SSBP2: variants seen among roughly 807,000 people sequenced by gnomAD.
The protein encoded by SSBP2 is single stranded DNA binding protein 2, also known as single-stranded DNA-binding protein 2.
A neutral mutation model predicts 61.8 loss-of-function variants in SSBP2; 17 were observed. The observed-to-expected ratio is 0.28, with a 90% CI of 0.19 to 0.41. SSBP2 has a LOEUF of 0.41. Among genes scored for constraint, SSBP2 ranks in the 10% least tolerant of loss-of-function variants. The probability of loss-of-function intolerance (pLI) is 1.00; values close to 1 mark genes in which losing one functional copy is unlikely to be tolerated. For synonymous variants in SSBP2, 139 were observed against 141.3 expected (o/e 0.98, Z 0.12); for missense variants, 310 against 458.7 (o/e 0.68, Z 2.96).
chr5:81,736,195 G>A (rs796467649), intron 1 of SSBP2, among the ~76,000 whole-genome samples: 6 of 130,280 alleles, frequency 4.6e-5, no homozygotes, highest in African/African-American at 1.6e-4. Flanking sequence ...CACACTCTAC[G>A]GCACTACTGA....
Position 81,416,830 on chromosome 5 carries a change from T to C in SSBP2, c.*3674A>G, listed in dbSNP as rs1464226607. ...ACTTTTCATGGCTGGGGGAGCAGAA[T>C]TGATTTACTTGTTAATCTTTTTGGC... is the stretch of plus-strand genomic sequence containing the variant. On this transcript the variant is annotated 3_prime_UTR_variant, in exon 17 of 17. Coordinates refer to ENST00000320672, the MANE Select transcript of SSBP2 (RefSeq NM_012446.5). 1 of 152,166 alleles carries C rather than the reference T, an allele frequency of 6.6e-6. No homozygotes were observed. Among genetic ancestry groups the C allele is most frequent in the Non-Finnish European group, 1.5e-5 (1 of 68,032 alleles). 9.4% of individuals were successfully genotyped at this position (152,166 alleles called of 1,614,324 possible).
At chr5:81,750,531 G>A (rs1581479375) in intron 1 of SSBP2, among the ~76,000 whole-genome samples, 1 of 100,884 alleles carries the variant, frequency 9.9e-6, no homozygotes, top group Non-Finnish European at 2.1e-5. Context: ...CCCCGACCCC[G>A]GCCCCGACCC....
intron 5 of SSBP2, among the ~76,000 whole-genome samples, chr5:81,494,952 A>C (rs1276471712): frequency 6.6e-6 from 1 of 152,180 alleles, no homozygotes; most frequent in African/African-American, 2.4e-5. Context: ...TGTTTTAAAT[A>C]ATTATTTTTC....
chr5:81,524,604 G>A (rs1044122127), intron 4 of SSBP2, among the ~76,000 whole-genome samples: 5 of 151,928 alleles, frequency 3.3e-5, no homozygotes, highest in Non-Finnish European at 5.9e-5. Flanking sequence ...ACTGTACTTG[G>A]CCTATTGCAG....
chr5:81,724,497 C>A (rs16899103), intron 1 of SSBP2, among the ~76,000 whole-genome samples: 12,846 of 151,948 alleles, frequency 0.085, 605 homozygotes, highest in Middle Eastern at 0.19. Flanking sequence ...CACAAATAGA[C>A]AACTGATCAA....
intron 4 of SSBP2, among the ~76,000 whole-genome samples, chr5:81,542,756 T>C (rs995896299): frequency 6.6e-6 from 1 of 151,680 alleles, no homozygotes; most frequent in East Asian, 2.0e-4. Flanking sequence ...GCTTCCCCTA[T>C]GCTGTTCTTA....
rs141048100 is a variant in SSBP2 at position 81,487,450 on chromosome 5, T to G, written c.432+1800A>C. ...TGGTAAATATTTATTAACAGATCTA[T>G]CTCTTCTAGAAGCAGCTAATTATTT... On this transcript the variant is annotated intron_variant, in intron 6 of 16. Transcript: ENST00000320672. 2.4e-3 allele frequency among the ~76,000 whole-genome samples: 363 copies of G among 152,256 alleles called. 2 individuals are homozygous for G. The highest frequency in any genetic ancestry group is 8.3e-3 in the African/African-American group (346 of 41,560).
intron 11 of SSBP2, 81 bp downstream of exon 11, chr5:81,448,709 T>C (rs145632266): frequency 2.9e-5 from 42 of 1,435,108 alleles, no homozygotes; most frequent in Non-Finnish European, 3.6e-5. Flanking sequence ...GGGGCTCTTC[T>C]TAACATCTGG....
rs138234127 is a variant in SSBP2 at position 81,658,474 on chromosome 5, T to C, written c.63-8135A>G. Among the ~76,000 whole-genome samples the C allele has an allele frequency of 2.4e-4, 36 of 152,328 alleles. No homozygotes were observed. In the Middle Eastern group the frequency reaches 0.01, roughly 43 times the overall value. On this transcript the variant is annotated intron_variant, in intron 1 of 16. Transcript: ENST00000320672. ...TCTACACATAACCTGCACACATTCT[T>C]CTGTACATGTTAAATCATCTCTAGA...
intron 1 of SSBP2, among the ~76,000 whole-genome samples, chr5:81,698,345 T>C (rs1266328691): frequency 1.3e-5 from 2 of 152,256 alleles, no homozygotes; most frequent in Admixed American, 1.3e-4. Context: ...TCTACCTATT[T>C]TCATATTTTT....
At chr5:81,542,338 G>A (rs189509833) in intron 4 of SSBP2, among the ~76,000 whole-genome samples, 59 of 152,262 alleles carry the variant, frequency 3.9e-4, no homozygotes, top group Non-Finnish European at 4.6e-4. Context: ...TTCAGCCACC[G>A]TGGAAAGCAG....
At chr5:81,694,369 G>A (rs1166940911) in intron 1 of SSBP2, among the ~76,000 whole-genome samples, 14 of 152,026 alleles carry the variant, frequency 9.2e-5, no homozygotes, top group African/African-American at 7.2e-5. Flanking sequence ...TTGAGGTAAC[G>A]GATACCCCCA....
At position 81,417,882 on chromosome 5, in the gene SSBP2, G is replaced by T. The variant is rs1407442863; in HGVS notation, c.*2622C>A. The T allele has an allele frequency of 6.6e-6, 1 of 151,400 alleles. No homozygotes were observed. The highest frequency in any genetic ancestry group is 2.4e-5 in the African/African-American group (1 of 41,176). 9.4% of individuals were successfully genotyped at this position (151,400 alleles called of 1,614,324 possible). A position where few individuals can be genotyped will look rare whatever the true frequency, so the allele number is the denominator to read the frequency against. ...AATAAATACTTATAATCAATTGACTGCTCTGCCTTGAAAAAAAAAACGAAT... is the reference window on the plus strand; with the variant it reads ...AATAAATACTTATAATCAATTGACTTCTCTGCCTTGAAAAAAAAAACGAAT... On this transcript the variant is annotated 3_prime_UTR_variant, in exon 17 of 17. Coordinates refer to ENST00000320672, the MANE Select transcript of SSBP2 (RefSeq NM_012446.5).
chr5:81,602,896 G>A (rs566070210), intron 4 of SSBP2, among the ~76,000 whole-genome samples: 4 of 151,944 alleles, frequency 2.6e-5, no homozygotes, highest in East Asian at 1.9e-4. Flanking sequence ...TCTTACTTCC[G>A]TATCAAATAA....
intron 4 of SSBP2, among the ~76,000 whole-genome samples, chr5:81,563,164 G>A (rs564613221): frequency 6.6e-6 from 1 of 152,152 alleles, no homozygotes; most frequent in South Asian, 2.1e-4. Flanking sequence ...ACATGATAGT[G>A]GAAAAAGAAT....
Position 81,455,163 on chromosome 5 carries a change from C to A in SSBP2, c.687+5892G>T, listed in dbSNP as rs375792044. On this transcript the variant is annotated intron_variant, in intron 10 of 16. Coordinates refer to ENST00000320672, the MANE Select transcript of SSBP2 (RefSeq NM_012446.5). ...CTACAAATATTTCAAATTTAACGTT[C>A]AAAAAAAAACAAAAAACAAAGCCCC... 6.9e-3 allele frequency among the ~76,000 whole-genome samples: 1,034 copies of A among 149,954 alleles called. 12 individuals carry two copies. The highest frequency in any genetic ancestry group is 0.024 in the African/African-American group (991 of 40,826).
At chr5:81,439,667 G>GTTTT (rs61650905) in intron 14 of SSBP2, among the ~76,000 whole-genome samples, 11 of 100,166 alleles carry the variant, frequency 1.1e-4, no homozygotes, top group East Asian at 2.5e-4. Flanking sequence ...TGCCCAGCTA[G>GTTTT]TTTTTTTTTT....
intron 14 of SSBP2, among the ~76,000 whole-genome samples, chr5:81,438,707 A>ATT (rs1762826270): frequency 6.6e-6 from 1 of 152,214 alleles, no homozygotes; most frequent in African/African-American, 2.4e-5. Context: ...GGTGACTAAG[A>ATT]TAATGAGAGC....
chr5:81,427,183 T>C (rs922858679), intron 16 of SSBP2, among the ~76,000 whole-genome samples: 2 of 152,190 alleles, frequency 1.3e-5, no homozygotes, highest in African/African-American at 4.8e-5. Context: ...AAAGTGAACA[T>C]AGAAAAATTA....
Sources: gnomAD v4.1 joint callset for allele counts (sites outside exome capture counted in the v4.1 genomes callset) on GRCh38, gnomAD v4.1.1 for gene constraint, MANE v1.5 for transcripts, NCBI Gene and HGNC (gene_info 2026-07-23, HGNC 2026-07-21) for gene names.